Variants in BIN3 observed in about 807,000 individuals in gnomAD.
BIN3 encodes the protein bridging integrator 3.
A neutral mutation model predicts 38.2 loss-of-function variants in BIN3; 41 were observed. That is an observed-to-expected ratio of 1.07 (90% CI 0.84 to 1.39). The LOEUF (loss-of-function observed/expected upper bound fraction) is 1.39, where lower values mean the gene tolerates loss of function less well. BIN3 is among the 40% of genes most tolerant of loss of function. The pLI, the probability that BIN3 is intolerant of heterozygous loss-of-function variation, is 0.00. For missense variants in BIN3, 361 were observed against 324.3 expected (o/e 1.11, Z -0.87); for synonymous variants, 145 against 122.6 (o/e 1.18, Z -1.21).
intron 2 of BIN3, among the ~76,000 whole-genome samples, chr8:22,643,559 T>C (rs917796088): frequency 1.3e-5 from 2 of 152,242 alleles, no homozygotes; most frequent in African/African-American, 4.8e-5. Context: ...TGCCCCCACG[T>C]TGGCCTTCCA....
At chr8:22,645,952 C>T (rs1802701220) in intron 1 of BIN3, among the ~76,000 whole-genome samples, 1 of 152,210 alleles carries the variant, frequency 6.6e-6, no homozygotes, top group African/African-American at 2.4e-5. Context: ...TGAAGAGCTG[C>T]ACCTCAGATT....
chr8:22,646,549 A>C (rs1802720033), intron 1 of BIN3, among the ~76,000 whole-genome samples: 1 of 152,186 alleles, frequency 6.6e-6, no homozygotes, highest in South Asian at 2.1e-4. Flanking sequence ...ACAGTGGTTT[A>C]AATTTAATTT....
chr8:22,621,621 T>C lies in BIN3; in HGVS notation c.616-53A>G, dbSNP rs968678314. On this transcript the variant is annotated intron_variant, in intron 8 of 8. Transcript: ENST00000276416. ...TGCTGGCTCCAGGGAACCGTGTGCT[T>C]CAGGGGGCCAGAGGCTCACACTTCT... is the stretch of plus-strand genomic sequence containing the variant. 8 of 1,566,554 alleles carry C rather than the reference T, an allele frequency of 5.1e-6. No individual in the cohort carries two copies. In the African/African-American group the frequency reaches 8.1e-5, roughly 16 times the overall value.
chr8:22,625,449 G>C (rs1801974052), intron 6 of BIN3: 1 of 702,034 alleles, frequency 1.4e-6, no homozygotes, highest in Non-Finnish European at 2.6e-6. Flanking sequence ...GAGGAGGAAA[G>C]ACGAGGGCAG....
At chr8:22,646,026 T>C (rs987096498) in intron 1 of BIN3, among the ~76,000 whole-genome samples, 1 of 152,208 alleles carries the variant, frequency 6.6e-6, no homozygotes, top group Non-Finnish European at 1.5e-5. Context: ...AACCTGAGCA[T>C]TAGCCTGGCC....
chr8:22,634,859 GGAGAA>G (rs961607067), intron 4 of BIN3, among the ~76,000 whole-genome samples: 1 of 152,192 alleles, frequency 6.6e-6, no homozygotes, highest in African/African-American at 2.4e-5. Flanking sequence ...CCCTGGACTT[GGAGAA>G]GAGGAGCTGA....
Position 22,624,337 on chromosome 8 carries a change from T to C in BIN3, c.365A>G (p.Asn122Ser), listed in dbSNP as rs542979122. The part of the protein sequence containing the change: ...KKFGSVFPSL[N>S]MAVKRREQAL... Reference sequence around the variant, plus strand: ...CTGTTCCCGCCTCTTCACAGCCATGTTGAGGCTCGGGAAGACACTGCCGAA... The same window carrying C: ...CTGTTCCCGCCTCTTCACAGCCATGCTGAGGCTCGGGAAGACACTGCCGAA... Residue 122 changes from asparagine (N) to serine (S), a missense_variant, in exon 7 of 9, where the codon AAC (asparagine) becomes AGC (serine). Physicochemically the swap from Asn to Ser is conservative, Grantham distance 46. Coordinates refer to ENST00000276416, the MANE Select transcript of BIN3 (RefSeq NM_018688.6). The C allele has an allele frequency of 6.8e-6, 11 of 1,613,744 alleles. No individual in the cohort carries two copies. In the East Asian group the frequency reaches 1.8e-4, roughly 26 times the overall value.
At chr8:22,638,429 AAAC>A (rs1335119366) in intron 2 of BIN3, among the ~76,000 whole-genome samples, 2 of 152,222 alleles carry the variant, frequency 1.3e-5, no homozygotes, top group Admixed American at 6.5e-5. Flanking sequence ...TTTCAAATTT[AAAC>A]AACATTCATT....
chr8:22,662,505 C>A (rs1451311027), intron 1 of BIN3, among the ~76,000 whole-genome samples: 1 of 152,168 alleles, frequency 6.6e-6, no homozygotes, highest in Non-Finnish European at 1.5e-5. Flanking sequence ...GGAATAAGTT[C>A]TTATAAAGAA....
intron 4 of BIN3, 37 bp downstream of exon 4, chr8:22,636,488 C>A: frequency 6.5e-7 from 1 of 1,549,906 alleles, no homozygotes; most frequent in East Asian, 2.4e-5. Flanking sequence ...TCTGCCCCAC[C>A]TGCTCAAGCG....
rs1470115809 is a variant in BIN3, at chr8:22,623,861, A to G, written c.615+54T>C. ...CACCCTTCCAGTGTGGGTGACAGGG[A>G]GTGGCATGAGCTGTGTATACCAAGC... On this transcript the variant is annotated intron_variant, in intron 8 of 8. Transcript: ENST00000276416. 3 of 1,575,280 alleles carry G rather than the reference A, an allele frequency of 1.9e-6. No individual in the cohort carries two copies. The African/African-American group carries it at 4.0e-5, about 21-fold the overall frequency.
intron 2 of BIN3, 149 bp downstream of exon 2, chr8:22,644,606 A>G (rs140340825): frequency 1.4e-6 from 1 of 720,150 alleles, no homozygotes; most frequent in African/African-American, 1.7e-5. Context: ...GCCTCAGTCT[A>G]TGTGAGGTTC....
intron 4 of BIN3, among the ~76,000 whole-genome samples, chr8:22,633,254 G>A (rs923774644): frequency 6.6e-6 from 1 of 152,128 alleles, no homozygotes; most frequent in African/African-American, 2.4e-5. Context: ...AGGATCCCTT[G>A]AGCCCAGGAG....
Position 22,636,758 on chromosome 8 carries a change from C to T in BIN3, c.98+164G>A, listed in dbSNP as rs966415454. Reference sequence around the variant, plus strand: ...CCAAAGGCTATGAGTGAATGACTCTCACATGGCCATTGCCAGGGAACAGTT... The same window carrying T: ...CCAAAGGCTATGAGTGAATGACTCTTACATGGCCATTGCCAGGGAACAGTT... On this transcript the variant is annotated intron_variant, in intron 3 of 8. Coordinates refer to ENST00000276416, the MANE Select transcript of BIN3 (RefSeq NM_018688.6). The T allele has an allele frequency of 3.0e-6, 3 of 996,786 alleles. No individual in the cohort carries two copies. The Admixed American group carries it at 6.2e-5, about 21-fold the overall frequency. 61.7% of individuals were successfully genotyped at this position (996,786 alleles called of 1,614,324 possible). A position where few individuals can be genotyped will look rare whatever the true frequency, so the allele number is the denominator to read the frequency against.
At chr8:22,644,941 CTGGT>C in intron 1 of BIN3, 138 bp from the exon 2 acceptor site, 1 of 706,824 alleles carries the variant, frequency 1.4e-6, no homozygotes, top group Non-Finnish European at 2.5e-6. Flanking sequence ...ACCATGTGCC[CTGGT>C]GGGCATACAA....
intron 2 of BIN3, among the ~76,000 whole-genome samples, chr8:22,641,016 C>T (rs1802538360): frequency 6.6e-6 from 1 of 152,160 alleles, no homozygotes; most frequent in Non-Finnish European, 1.5e-5. Context: ...GTTCTCTCCT[C>T]CACTGGGGAA....
At chr8:22,650,074 C>G (rs568508498) in intron 1 of BIN3, among the ~76,000 whole-genome samples, 1 of 152,030 alleles carries the variant, frequency 6.6e-6, no homozygotes, top group African/African-American at 2.4e-5. Flanking sequence ...ATGTACCACT[C>G]GTTTTATTTC....
intron 1 of BIN3, among the ~76,000 whole-genome samples, chr8:22,656,010 T>C (rs1803046010): frequency 6.6e-6 from 1 of 152,306 alleles, no homozygotes; most frequent in Non-Finnish European, 1.5e-5. Context: ...AAAAATTTTT[T>C]TCCAGGTAAT....
chr8:22,661,187 T>C (rs1226583765), intron 1 of BIN3, among the ~76,000 whole-genome samples: 13 of 152,146 alleles, frequency 8.5e-5, no homozygotes, highest in Admixed American at 8.5e-4. Flanking sequence ...GACTGGCCCC[T>C]GAGATTCCAT....
Sources: gnomAD v4.1 joint callset for allele counts (sites outside exome capture counted in the v4.1 genomes callset) on GRCh38, gnomAD v4.1.1 for gene constraint, MANE v1.5 for transcripts, NCBI Gene and HGNC (gene_info 2026-07-23, HGNC 2026-07-21) for gene names.